The following CPS1 variants were observed in gnomAD, a reference collection of about 807,000 sequenced individuals.
The protein encoded by CPS1 is carbamoyl-phosphate synthase [ammonia], mitochondrial.
CPS1 carries 109 observed loss-of-function variants against 174.6 expected under a neutral mutation model. The ratio of observed to expected loss-of-function variants is 0.62; its 90% CI spans 0.53 to 0.73. The LOEUF (loss-of-function observed/expected upper bound fraction) is 0.73, where lower values mean the gene tolerates loss of function less well. Ranked by LOEUF, CPS1 falls within the 30% of genes least tolerant of loss-of-function variation. CPS1 has a pLI of 0.00. For missense variants in CPS1, 1,689 were observed against 1,821.9 expected, an observed-to-expected ratio of 0.93 and a Z score of 1.33; for synonymous variants, 637 against 632.0, an observed-to-expected ratio of 1.01 and a Z score of -0.12.
intron 25 of CPS1, among the ~76,000 whole-genome samples, chr2:210,644,590 CA>C (rs1181456399): frequency 1.3e-5 from 2 of 151,876 alleles, no homozygotes; most frequent in South Asian, 2.1e-4. Context: ...CATAAAATTC[CA>C]AAAACCATGG....
At position 210,654,061 on chromosome 2, in the gene CPS1, G is replaced by C. The variant is rs1574646079; in HGVS notation, c.3517G>C (p.Ala1173Pro). Residue 1173 changes from alanine to proline, a missense_variant, in exon 29 of 38, where the codon GCC (alanine) becomes CCC (proline). Transcript: ENST00000233072. ...PVVLTKFVEG[A>P]REVEMDAVGK... ...GGTGCTGACAAAATTTGTTGAAGGG[G>C]CCCGAGAAGTAGAAATGGACGCTGT... is the stretch of plus-strand genomic sequence containing the variant. 6.2e-7 allele frequency: 1 copy of C among 1,614,028 alleles called. No individual in the cohort carries two copies. The highest frequency in any genetic ancestry group is 8.5e-7 in the Non-Finnish European group (1 of 1,179,914).
At chr2:210,653,734 T>G (rs1270480742) in intron 28 of CPS1, among the ~76,000 whole-genome samples, 1 of 152,202 alleles carries the variant, frequency 6.6e-6, no homozygotes, top group East Asian at 1.9e-4. Context: ...GCTTCCTCCT[T>G]AGTCCCCTCT....
rs1217012212 is a variant in CPS1 at position 210,533,677 on chromosome 2, TCTGTAAAA to T, written c.4-23039_4-23032del. ...AGTGATAACATGCTTTTTATCTGAC[TCTGTAAAA>T]CTATAAAAACTCATATTTTCTGGAA... On this transcript the variant is annotated intron_variant, in intron 1 of 38. Coordinates refer to the CPS1 transcript ENST00000430249. Among the ~76,000 whole-genome samples the T allele has an allele frequency of 9.8e-5, 15 of 152,296 alleles. No individual in the cohort carries two copies. The East Asian group carries it at 2.9e-3, about 29-fold the overall frequency.
At chr2:210,652,298 A>C (rs1700582073) in intron 28 of CPS1, among the ~76,000 whole-genome samples, 2 of 152,202 alleles carry the variant, frequency 1.3e-5, no homozygotes, top group Admixed American at 6.5e-5. Flanking sequence ...GGTCATTATA[A>C]TGAGTTTGAA....
intron 25 of CPS1, among the ~76,000 whole-genome samples, chr2:210,645,755 C>G (rs890879229): frequency 1.3e-5 from 2 of 152,132 alleles, no homozygotes; most frequent in African/African-American, 2.4e-5. Context: ...TGCACTCCAG[C>G]GTTCATGTAC....
chr2:210,483,012 G>A (rs909396267), intron 1 of CPS1, among the ~76,000 whole-genome samples: 18 of 152,038 alleles, frequency 1.2e-4, no homozygotes, highest in East Asian at 3.9e-4. Flanking sequence ...CATATTTTGC[G>A]CAGAATAAAG....
chr2:210,592,554 T>C (rs1472530920), intron 10 of CPS1, among the ~76,000 whole-genome samples: 2 of 151,970 alleles, frequency 1.3e-5, no homozygotes, highest in African/African-American at 4.8e-5. Context: ...GGGGATAAGA[T>C]GAGGACTTGA....
intron 11 of CPS1, among the ~76,000 whole-genome samples, chr2:210,594,138 G>A (rs2106115450): frequency 6.6e-6 from 1 of 151,746 alleles, no homozygotes; most frequent in South Asian, 2.1e-4. Context: ...ATTTAAATTA[G>A]TATTTCTAAT....
chr2:210,589,562 T>G (rs1574559630), intron 7 of CPS1, among the ~76,000 whole-genome samples: 1 of 152,080 alleles, frequency 6.6e-6, no homozygotes, highest in Non-Finnish European at 1.5e-5. Context: ...CTCCTGTCAG[T>G]CCAGTCATGG....
At chr2:210,485,964 T>C (rs536090824) in intron 1 of CPS1, among the ~76,000 whole-genome samples, 17 of 152,116 alleles carry the variant, frequency 1.1e-4, no homozygotes, top group African/African-American at 4.1e-4. Context: ...TTTAGCATTC[T>C]GGTGGATTTG....
chr2:210,594,681 T>G (rs1344651988), intron 12 of CPS1, 75 bp downstream of exon 12: 1 of 976,006 alleles, frequency 1.0e-6, no homozygotes, highest in African/African-American at 1.6e-5. Flanking sequence ...AAAAACTAAG[T>G]GATGTAAGGC....
chr2:210,498,178 C>G (rs1695050831), intron 1 of CPS1, among the ~76,000 whole-genome samples: 1 of 151,742 alleles, frequency 6.6e-6, no homozygotes, highest in Non-Finnish European at 1.5e-5. Flanking sequence ...TTATGTGGAG[C>G]ATTTTTTCAT....
chr2:210,628,927 G>C (rs991859622), intron 21 of CPS1, among the ~76,000 whole-genome samples: 1 of 152,142 alleles, frequency 6.6e-6, no homozygotes, highest in African/African-American at 2.4e-5. Context: ...TTGGAAAACT[G>C]CTCTGTGGAA....
chr2:210,529,932 C>A (rs568260414), intron 1 of CPS1, among the ~76,000 whole-genome samples: 1 of 152,138 alleles, frequency 6.6e-6, no homozygotes, highest in African/African-American at 2.4e-5. Context: ...ATTTTCAAAT[C>A]TTGTCACCAG....
At chr2:210,493,015 A>G (rs1469151576) in intron 1 of CPS1, among the ~76,000 whole-genome samples, 3 of 152,204 alleles carry the variant, frequency 2.0e-5, no homozygotes, top group Non-Finnish European at 2.9e-5. Context: ...TATAAGTTCT[A>G]TCTGTGATAA....
chr2:210,514,448 A>G (rs545473681), intron 1 of CPS1, among the ~76,000 whole-genome samples: 1 of 151,892 alleles, frequency 6.6e-6, no homozygotes, highest in East Asian at 1.9e-4. Context: ...GCTATTGTAA[A>G]TGAGACTGCA....
intron 1 of CPS1, among the ~76,000 whole-genome samples, chr2:210,557,360 C>CA (rs1481529896): frequency 1.3e-5 from 2 of 152,080 alleles, no homozygotes; most frequent in Non-Finnish European, 2.9e-5. Context: ...ATCATGTAGA[C>CA]ACTGCTTTAG....
intron 29 of CPS1, among the ~76,000 whole-genome samples, chr2:210,656,074 T>C (rs1700696140): frequency 6.6e-6 from 1 of 152,228 alleles, no homozygotes; most frequent in Admixed American, 6.5e-5. Flanking sequence ...TTCCATTTAA[T>C]GATCTCTTGA....
intron 1 of CPS1, among the ~76,000 whole-genome samples, chr2:210,547,759 G>T (rs1696601972): frequency 6.6e-6 from 1 of 151,928 alleles, no homozygotes; most frequent in African/African-American, 2.4e-5. Context: ...TTTATTTAAA[G>T]GTTTATTAGT....
Sources: allele counts gnomAD v4.1 joint callset (sites outside exome capture counted in the v4.1 genomes callset), GRCh38; gene constraint gnomAD v4.1.1; transcripts MANE v1.5; gene names NCBI Gene and HGNC (gene_info 2026-07-23, HGNC 2026-07-21).